Variants in TOP2A observed in about 807,000 individuals in gnomAD.
The protein encoded by TOP2A is DNA topoisomerase 2-alpha.
In TOP2A, 68 loss-of-function variants were observed where a neutral mutation model predicts 187.2. The observed-to-expected ratio is 0.36, with a 90% CI of 0.30 to 0.44. The LOEUF is 0.44. Ranked by LOEUF, TOP2A falls within the 20% of genes least tolerant of loss-of-function variation. The pLI is 1.00. For missense variants in TOP2A, 1,196 were observed against 1,808.7 expected (o/e 0.66, Z 6.14); for synonymous variants, 542 against 593.2 (o/e 0.91, Z 1.25).
intron 16 of TOP2A, 61 bp downstream of exon 16, chr17:40,406,323 C>T: frequency 1.6e-6 from 2 of 1,222,092 alleles, no homozygotes; most frequent in Non-Finnish European, 1.1e-6. Flanking sequence ...GTAAATGTTT[C>T]AACTGGCTAA....
intron 17 of TOP2A, 46 bp downstream of exon 17, chr17:40,404,745 G>T: frequency 1.6e-6 from 2 of 1,264,886 alleles, no homozygotes; most frequent in Admixed American, 2.0e-5. Flanking sequence ...AATACCAAAA[G>T]GTCAGTCTAA....
intron 20 of TOP2A, among the ~76,000 whole-genome samples, chr17:40,401,297 A>G (rs1324072683): frequency 6.6e-6 from 1 of 152,220 alleles, no homozygotes; most frequent in Non-Finnish European, 1.5e-5. Flanking sequence ...GAAGTTTGCA[A>G]TTAACACATA....
chr17:40,402,829 G>C (rs1203017897), intron 20 of TOP2A, 77 bp downstream of exon 20: 5 of 1,466,880 alleles, frequency 3.4e-6, no homozygotes, highest in African/African-American at 2.8e-5. Context: ...CTGAGTTTTT[G>C]TATTTTTGGT....
chr17:40,403,065 A>G lies in TOP2A; in HGVS notation c.2284-11T>C, dbSNP rs746675479. 4 of 1,586,002 alleles carry G rather than the reference A, an allele frequency of 2.5e-6. No individual in the cohort carries two copies. The African/African-American group carries it at 4.0e-5, about 16-fold the overall frequency. On this transcript the variant is annotated splice_polypyrimidine_tract_variant and intron_variant, in intron 19 of 34. Coordinates refer to ENST00000423485, the MANE Select transcript of TOP2A (RefSeq NM_001067.4). ...CATCATTAGTGACATCTGTGGGGAA[A>G]AAAAGATTCATTAAGCTGAGGCTTT... is the stretch of plus-strand genomic sequence containing the variant.
chr17:40,416,152 A>AG, intron 3 of TOP2A, 84 bp from the exon 4 acceptor site: 1 of 1,168,280 alleles, frequency 8.6e-7, no homozygotes, highest in Non-Finnish European at 1.2e-6. Flanking sequence ...TAGAAAAAAA[A>AG]GTTCCCAAAC....
Position 40,415,994 on chromosome 17 carries a change from A to C in TOP2A, c.332+11T>G, listed in dbSNP as rs1275322749. The C allele has an allele frequency of 6.4e-7, 1 of 1,569,952 alleles. No homozygotes were observed. On this transcript the variant is annotated intron_variant, in intron 4 of 34. Coordinates refer to ENST00000423485, the MANE Select transcript of TOP2A (RefSeq NM_001067.4). ...ACGAGCTACATAACAAAAACTAAGC[A>C]AAAGACGTACGGATCAATTGTGACT... is the stretch of plus-strand genomic sequence containing the variant.
rs2034991202 is a variant in TOP2A, at chr17:40,389,035, T to C, written c.*484A>G. 4.6e-6 allele frequency: 1 copy of C among 216,588 alleles called. No individual in the cohort carries two copies. Among genetic ancestry groups the C allele is most frequent in the African/African-American group, 2.3e-5 (1 of 44,346 alleles). The allele number at this position is 216,588 out of a possible 1,614,324, so 13.4% of individuals were successfully genotyped here. ...ATAAGAGGCTGAGTGTAGTAGAGTA[T>C]CTGTACTAGAACCATAAAGTTCTAT... is the stretch of plus-strand genomic sequence containing the variant. On this transcript the variant is annotated 3_prime_UTR_variant, in exon 35 of 35. Transcript: ENST00000423485.
In TOP2A at chr17:40,413,221, T is replaced by C. The variant is rs562223504; in HGVS notation, c.550A>G (p.Arg184Gly). The C allele has an allele frequency of 1.3e-5, 20 of 1,562,340 alleles. No individual in the cohort carries two copies. Among genetic ancestry groups the C allele is most frequent in the Non-Finnish European group, 1.7e-5 (20 of 1,151,628 alleles). ...STKFTVETAS[R>G]EYKKMFKQTW... ...TGTTTGAACATTTTCTTGTATTCTC[T>C]ACTGGCTGTTTCCACAGTAAATTTG... The change falls in exon 6 of 35, where the codon AGA becomes GGA. Residue 184 changes from arginine to glycine, a missense_variant. Physicochemically the swap from Arg to Gly is moderately radical, Grantham distance 125 (BLOSUM62 -2). Around this residue, in one of 10 missense-constraint regions of TOP2A, gnomAD observed 252 missense variants for 434.8 expected, o/e 0.58. Coordinates refer to ENST00000423485, the MANE Select transcript of TOP2A (RefSeq NM_001067.4).
At chr17:40,393,528 T>C (rs779272771) in intron 29 of TOP2A, among the ~76,000 whole-genome samples, 5 of 152,032 alleles carry the variant, frequency 3.3e-5, no homozygotes, top group Non-Finnish European at 5.9e-5. Context: ...CAAGGACATA[T>C]ATAGCTCAAT....
At chr17:40,416,574 A>G (rs2035393157) in intron 2 of TOP2A, 62 bp from the exon 3 acceptor site, 1 of 1,460,954 alleles carries the variant, frequency 6.8e-7, no homozygotes, top group African/African-American at 1.4e-5. Context: ...TGTTATCATG[A>G]TTACCATAAA....
intron 27 of TOP2A, among the ~76,000 whole-genome samples, chr17:40,397,542 T>G (rs1468498695): frequency 1.3e-5 from 2 of 152,078 alleles, no homozygotes; most frequent in African/African-American, 4.8e-5. Context: ...CACCTCAGCC[T>G]CCCAGAGTGC....
Position 40,412,690 on chromosome 17 carries a change from A to C in TOP2A, c.789+69T>G, listed in dbSNP as rs1277711710. ...AACAAAAACATATGGGAGGGGAAAAAATTCAATTTTGCACTTGACAATGAT... is the reference window on the plus strand; with the variant it reads ...AACAAAAACATATGGGAGGGGAAAACATTCAATTTTGCACTTGACAATGAT... On this transcript the variant is annotated intron_variant, in intron 7 of 34. Transcript: ENST00000423485. The C allele has an allele frequency of 3.0e-6, 4 of 1,317,064 alleles. No homozygotes were observed. The Admixed American group carries it at 8.1e-5, about 27-fold the overall frequency. 81.6% of individuals were successfully genotyped at this position (1,317,064 alleles called of 1,614,324 possible). A position where few individuals can be genotyped will look rare whatever the true frequency, so the allele number is the denominator to read the frequency against.
intron 32 of TOP2A, 55 bp downstream of exon 32, chr17:40,392,013 G>T: frequency 1.3e-6 from 2 of 1,556,878 alleles, no homozygotes; most frequent in Non-Finnish European, 1.7e-6. Flanking sequence ...GAACCCAGTT[G>T]GATCTGAGTG....
chr17:40,398,419 T>A (rs1267914958), intron 27 of TOP2A, 139 bp downstream of exon 27: 1 of 773,946 alleles, frequency 1.3e-6, no homozygotes, highest in African/African-American at 1.8e-5. Context: ...TCTGTTCTTT[T>A]ATACGCTATT....
intron 13 of TOP2A, 82 bp downstream of exon 13, chr17:40,407,467 T>C: frequency 8.3e-7 from 1 of 1,208,240 alleles, no homozygotes; most frequent in Non-Finnish European, 1.1e-6. Flanking sequence ...ACTAATTTAT[T>C]TTCATGGCAA....
intron 20 of TOP2A, 75 bp downstream of exon 20, chr17:40,402,831 A>AT: frequency 6.8e-7 from 1 of 1,475,836 alleles, no homozygotes; most frequent in Non-Finnish European, 9.2e-7. Flanking sequence ...GAGTTTTTGT[A>AT]TTTTTGGTGA....
rs2143643375 is a variant in TOP2A, at chr17:40,399,030, C to A, written c.3288+10G>T. On this transcript the variant is annotated intron_variant, in intron 25 of 34. Coordinates refer to ENST00000423485, the MANE Select transcript of TOP2A (RefSeq NM_001067.4). The stretch of plus-strand genomic sequence containing the variant: ...CTTTAACAATATAGAAAAGTGCCAC[C>A]CAAGATTACCTTTTGCTGGGCTTCT... 6.3e-7 allele frequency: 1 copy of A among 1,591,880 alleles called. No homozygotes were observed. The highest frequency in any genetic ancestry group is 8.6e-7 in the Non-Finnish European group (1 of 1,167,376).
Position 40,395,557 on chromosome 17 carries a change from T to G in TOP2A, c.3721-18A>C. On this transcript the variant is annotated intron_variant, in intron 28 of 34. Coordinates refer to ENST00000423485, the MANE Select transcript of TOP2A (RefSeq NM_001067.4). The stretch of plus-strand genomic sequence containing the variant: ...TTTTCATTCTAAAAGATAGCAAAGT[T>G]AGGGTTGGATATAGAATAAATTCTG... The G allele has an allele frequency of 6.6e-7, 1 of 1,525,506 alleles. No homozygotes were observed. Among genetic ancestry groups the G allele is most frequent in the Admixed American group, 1.8e-5 (1 of 56,794 alleles). 94.5% of individuals were successfully genotyped at this position (1,525,506 alleles called of 1,614,324 possible). A position where few individuals can be genotyped will look rare whatever the true frequency, so the allele number is the denominator to read the frequency against.
At chr17:40,396,904 T>TG (rs1464867283) in intron 27 of TOP2A, among the ~76,000 whole-genome samples, 6 of 151,726 alleles carry the variant, frequency 4.0e-5, no homozygotes, top group African/African-American at 1.5e-4. Context: ...TTTTTTGTTT[T>TG]TTTTTTTTTA....
Sources: gnomAD v4.1 joint callset for allele counts (sites outside exome capture counted in the v4.1 genomes callset) on GRCh38, gnomAD v4.1.1 for gene constraint, gnomAD v4.1.1 regional missense constraint, MANE v1.5 for transcripts, NCBI Gene and HGNC (gene_info 2026-07-23, HGNC 2026-07-21) for gene names.